Variants in CSAD observed in about 807,000 individuals in gnomAD.
CSAD encodes the protein cysteine sulfinic acid decarboxylase, also known as P-selectin cytoplasmic tail-associated protein.
CSAD carries 47 observed loss-of-function variants against 61.5 expected under a neutral mutation model. The ratio of observed to expected loss-of-function variants is 0.76; its 90% CI spans 0.60 to 0.97. The LOEUF is 0.97. Ranked by LOEUF, CSAD falls within the 50% of genes least tolerant of loss-of-function variation. The pLI, the probability that CSAD is intolerant of heterozygous loss-of-function variation, is 0.00. For synonymous variants in CSAD, 245 were observed against 252.7 expected, an observed-to-expected ratio of 0.97 and a Z score of 0.29; for missense variants, 611 against 643.6, an observed-to-expected ratio of 0.95 and a Z score of 0.55.
intron 10 of CSAD, among the ~76,000 whole-genome samples, chr12:53,161,791 T>TA (rs1312369800): frequency 6.6e-6 from 1 of 151,638 alleles, no homozygotes; most frequent in Non-Finnish European, 1.5e-5. Flanking sequence ...ACCCCATCTC[T>TA]AAAAAAATTT....
chr12:53,181,175 C>T, upstream of CSAD: 3 of 985,344 alleles, frequency 3.0e-6, no homozygotes, highest in Non-Finnish European at 3.6e-6. Flanking sequence ...GGCGACACGC[C>T]GCGCCGGGCT....
intron 2 of CSAD, among the ~76,000 whole-genome samples, chr12:53,175,059 G>A (rs1429972210): frequency 6.6e-6 from 1 of 152,190 alleles, no homozygotes; most frequent in East Asian, 1.9e-4. Context: ...CTGAGCGCCT[G>A]GCTGGCATTA....
chr12:53,159,869 A>G lies in CSAD; in HGVS notation c.1218+18T>C. On this transcript the variant is annotated intron_variant, in intron 15 of 16. Coordinates refer to ENST00000444623, the MANE Select transcript of CSAD (RefSeq NM_001244705.2). ...AGCTAGGCTGGGGCAGGGGCCACAA[A>G]ATAGAAAGGGGTCCTACCTCCATGA... 6.3e-7 allele frequency: 1 copy of G among 1,583,922 alleles called. No homozygotes were observed. Among genetic ancestry groups the G allele is most frequent in the South Asian group, 1.1e-5 (1 of 87,446 alleles).
intron 1 of CSAD, chr12:53,179,670 CAA>C (rs200549672): frequency 5.4e-4 from 452 of 837,568 alleles, no homozygotes; most frequent in Non-Finnish European, 6.2e-4. Flanking sequence ...AATCTGTCTA[CAA>C]AAAAAAAAAA....
chr12:53,159,428 A>G (rs935410239), intron 16 of CSAD, among the ~76,000 whole-genome samples, 195 bp downstream of exon 16: 7 of 152,102 alleles, frequency 4.6e-5, no homozygotes, highest in African/African-American at 1.7e-4. Context: ...CTCCTGTAAC[A>G]CACGTCGCTG....
At chr12:53,175,359 A>C (rs1404508096) in intron 2 of CSAD, among the ~76,000 whole-genome samples, 4 of 152,274 alleles carry the variant, frequency 2.6e-5, no homozygotes, top group East Asian at 1.9e-4. Flanking sequence ...ACACAGGAGG[A>C]GGCCTGCCTG....
In CSAD at chr12:53,161,256, G is replaced by C. The variant is rs377504877; in HGVS notation, c.819+17C>G. 31 of 1,613,450 alleles carry C rather than the reference G, an allele frequency of 1.9e-5. No homozygotes were observed. The East Asian group carries it at 3.1e-4, about 16-fold the overall frequency. On this transcript the variant is annotated intron_variant, in intron 11 of 16. Coordinates refer to ENST00000444623, the MANE Select transcript of CSAD (RefSeq NM_001244705.2). ...TCAGCCCACCCCACCGCACCCCCAA[G>C]CCGAAGTCCCACTCACATCCACATG...
intron 3 of CSAD, 118 bp downstream of exon 3, chr12:53,173,610 G>A (rs1940855138): frequency 6.5e-7 from 1 of 1,530,238 alleles, no homozygotes; most frequent in Non-Finnish European, 9.0e-7. Flanking sequence ...GCACAGACAA[G>A]GGCAAGTGAG....
chr12:53,162,640 C>T (rs1434085462), intron 10 of CSAD, among the ~76,000 whole-genome samples: 1 of 151,376 alleles, frequency 6.6e-6, no homozygotes, highest in Non-Finnish European at 1.5e-5. Flanking sequence ...AAAACTACTA[C>T]AGCTGGATGT....
Position 53,171,469 on chromosome 12 carries a change from A to C in CSAD, c.452-28T>G, listed in dbSNP as rs1940570840. 3 of 1,609,984 alleles carry C rather than the reference A, an allele frequency of 1.9e-6. No individual in the cohort carries two copies. The East Asian group carries it at 6.7e-5, about 36-fold the overall frequency. On this transcript the variant is annotated intron_variant, in intron 7 of 16. Transcript: ENST00000444623. Reference sequence around the variant, plus strand: ...GTCACAGGGAGGGGGCGGTGGCAAGAGGAAGGAGCAGTGGGTCAAGACTGG... The same window carrying C: ...GTCACAGGGAGGGGGCGGTGGCAAGCGGAAGGAGCAGTGGGTCAAGACTGG...
chr12:53,179,670 C>CAAAAA, intron 1 of CSAD: 4 of 841,682 alleles, frequency 4.8e-6, no homozygotes, highest in East Asian at 2.9e-5. Flanking sequence ...AATCTGTCTA[C>CAAAAA]AAAAAAAAAA....
intron 10 of CSAD, among the ~76,000 whole-genome samples, chr12:53,169,259 C>A (rs1361635624): frequency 6.6e-6 from 1 of 151,216 alleles, no homozygotes; most frequent in African/African-American, 2.4e-5. Context: ...GCAGGCGGAT[C>A]GCCTGAGGTC....
chr12:53,162,824 G>C (rs557444742), intron 10 of CSAD, among the ~76,000 whole-genome samples: 2 of 152,170 alleles, frequency 1.3e-5, no homozygotes, highest in South Asian at 4.1e-4. Context: ...CACTTTGGGA[G>C]GCCGAGGCGG....
intron 16 of CSAD, 74 bp from the exon 17 acceptor site, chr12:53,158,758 AG>A: frequency 7.0e-7 from 1 of 1,419,812 alleles, no homozygotes; most frequent in Non-Finnish European, 9.6e-7. Context: ...TTGTCCTGCC[AG>A]GCTTCCAGAG....
intron 10 of CSAD, among the ~76,000 whole-genome samples, chr12:53,162,835 G>A (rs970727569): frequency 1.1e-4 from 17 of 152,094 alleles, no homozygotes; most frequent in African/African-American, 4.1e-4. Flanking sequence ...GCCGAGGCGG[G>A]CGGATCACCT....
upstream of CSAD, chr12:53,181,272 C>G: frequency 1.0e-6 from 1 of 985,416 alleles, no homozygotes; most frequent in Non-Finnish European, 1.2e-6. Context: ...CTGCCAGTCC[C>G]GTTTCTGCCC....
upstream of CSAD, chr12:53,181,107 C>G: frequency 5.2e-6 from 5 of 954,294 alleles, no homozygotes; most frequent in Non-Finnish European, 6.2e-6. Context: ...TCGGCACTCT[C>G]CGGCTCTGCT....
chr12:53,175,483 C>G (rs1404823765), intron 2 of CSAD, among the ~76,000 whole-genome samples: 2 of 152,136 alleles, frequency 1.3e-5, no homozygotes, highest in Admixed American at 1.3e-4. Flanking sequence ...TGGCTCCACA[C>G]CCACATTAAT....
chr12:53,179,438 A>C (rs1262901001), intron 1 of CSAD, among the ~76,000 whole-genome samples: 1 of 152,218 alleles, frequency 6.6e-6, no homozygotes, highest in Non-Finnish European at 1.5e-5. Context: ...GCATGGGATA[A>C]GTAGAGGGGG....
Sources: gnomAD v4.1 joint callset for allele counts (sites outside exome capture counted in the v4.1 genomes callset) on GRCh38, gnomAD v4.1.1 for gene constraint, MANE v1.5 for transcripts, NCBI Gene and HGNC (gene_info 2026-07-23, HGNC 2026-07-21) for gene names.